GPC6: variants seen among roughly 807,000 people sequenced by gnomAD.
GPC6 encodes the protein glypican-6.
In GPC6, 14 loss-of-function variants were observed where a neutral mutation model predicts 55.2. That is an observed-to-expected ratio of 0.25 (90% CI 0.17 to 0.40). GPC6 has a LOEUF of 0.40. Ranked by LOEUF, GPC6 falls within the 10% of genes least tolerant of loss-of-function variation. GPC6 has a pLI of 1.00. For synonymous variants in GPC6, 278 were observed against 259.6 expected, an observed-to-expected ratio of 1.07 and a Z score of -0.68; for missense variants, 641 against 708.5, an observed-to-expected ratio of 0.90 and a Z score of 1.08.
intron 4 of GPC6, among the ~76,000 whole-genome samples, chr13:94,079,096 A>G (rs1004727256): frequency 7.2e-5 from 11 of 152,116 alleles, no homozygotes; most frequent in African/African-American, 2.7e-4. Context: ...ACAGTATAAC[A>G]TCTATTTATG....
At chr13:94,234,043 T>G (rs1051210824) in intron 4 of GPC6, among the ~76,000 whole-genome samples, 1 of 151,852 alleles carries the variant, frequency 6.6e-6, no homozygotes, top group African/African-American at 2.4e-5. Context: ...CAGGGCGAGG[T>G]GTTTATTTGT....
intron 2 of GPC6, among the ~76,000 whole-genome samples, chr13:93,612,288 A>G (rs1016985085): frequency 6.6e-6 from 1 of 152,194 alleles, no homozygotes; most frequent in Non-Finnish European, 1.5e-5. Flanking sequence ...TCACGAGTTC[A>G]GGAAATCGAG....
intron 2 of GPC6, among the ~76,000 whole-genome samples, chr13:93,827,064 G>A (rs763448927): frequency 3.3e-5 from 5 of 152,122 alleles, no homozygotes; most frequent in East Asian, 1.9e-4. Flanking sequence ...CAACTTTGAT[G>A]TATATTTTGT....
At chr13:94,300,800 A>T (rs1594146030) in intron 5 of GPC6, among the ~76,000 whole-genome samples, 1 of 152,212 alleles carries the variant, frequency 6.6e-6, no homozygotes, top group East Asian at 1.9e-4. Flanking sequence ...GATTTGTACC[A>T]CAATAAGTTG....
intron 1 of GPC6, among the ~76,000 whole-genome samples, chr13:93,269,353 A>G (rs1877431306): frequency 6.6e-6 from 1 of 152,176 alleles, no homozygotes; most frequent in Non-Finnish European, 1.5e-5. Context: ...ATCAGTATCC[A>G]CCTGACATTT....
intron 1 of GPC6, among the ~76,000 whole-genome samples, chr13:93,430,991 C>A (rs1877336039): frequency 1.3e-5 from 2 of 152,044 alleles, no homozygotes; most frequent in East Asian, 3.9e-4. Flanking sequence ...TACCATTAGA[C>A]CTTTGTATTA....
intron 4 of GPC6, among the ~76,000 whole-genome samples, chr13:94,163,271 T>G (rs1888231485): frequency 6.6e-6 from 1 of 152,088 alleles, no homozygotes; most frequent in Non-Finnish European, 1.5e-5. Context: ...TATTATCCTG[T>G]TTTGATAATT....
At chr13:93,605,531 T>G (rs1230194968) in intron 2 of GPC6, among the ~76,000 whole-genome samples, 1 of 152,150 alleles carries the variant, frequency 6.6e-6, no homozygotes, top group African/African-American at 2.4e-5. Flanking sequence ...TAAGTATTTC[T>G]TGACTGAAAG....
At chr13:94,189,347 C>T (rs1187173705) in intron 4 of GPC6, among the ~76,000 whole-genome samples, 1 of 152,232 alleles carries the variant, frequency 6.6e-6, no homozygotes, top group Non-Finnish European at 1.5e-5. Context: ...AGCTGAGAAA[C>T]GAGGACTGTG....
At chr13:93,682,735 T>C (rs1881894403) in intron 2 of GPC6, among the ~76,000 whole-genome samples, 2 of 151,426 alleles carry the variant, frequency 1.3e-5, no homozygotes, top group Admixed American at 1.3e-4. Flanking sequence ...TCGTCTAGGC[T>C]GAGCATGGTG....
intron 3 of GPC6, among the ~76,000 whole-genome samples, chr13:93,964,344 G>A (rs1048542165): frequency 4.6e-5 from 7 of 152,062 alleles, no homozygotes; most frequent in Admixed American, 4.6e-4. Flanking sequence ...TCATGCATTA[G>A]TTTAAGTGTA....
At chr13:94,383,049 C>T (rs1432609522) in intron 7 of GPC6, among the ~76,000 whole-genome samples, 1 of 152,154 alleles carries the variant, frequency 6.6e-6, no homozygotes, top group Non-Finnish European at 1.5e-5. Flanking sequence ...TAATAGGCAA[C>T]ACACTTTGGG....
chr13:94,197,563 T>G (rs1889618120), intron 4 of GPC6, among the ~76,000 whole-genome samples: 2 of 152,162 alleles, frequency 1.3e-5, no homozygotes, highest in Admixed American at 1.3e-4. Context: ...GTGTCTCTTC[T>G]TATAACAGTG....
chr13:93,454,327 C>A (rs963244240), intron 1 of GPC6, among the ~76,000 whole-genome samples: 1 of 129,738 alleles, frequency 7.7e-6, no homozygotes, highest in African/African-American at 2.7e-5. Flanking sequence ...CATAAATGTT[C>A]TCCAAGGCCC....
intron 3 of GPC6, among the ~76,000 whole-genome samples, chr13:94,002,862 A>G (rs1881865513): frequency 6.6e-6 from 1 of 152,190 alleles, no homozygotes; most frequent in Non-Finnish European, 1.5e-5. Flanking sequence ...GAAGCCTGAA[A>G]AAGGGAAAGG....
chr13:93,374,680 G>T (rs1263657581), intron 1 of GPC6, among the ~76,000 whole-genome samples: 1 of 152,028 alleles, frequency 6.6e-6, no homozygotes. Context: ...AAAATAGGTT[G>T]AATAAAAATA....
At chr13:93,618,751 A>C (rs1566452473) in intron 2 of GPC6, among the ~76,000 whole-genome samples, 2 of 152,200 alleles carry the variant, frequency 1.3e-5, no homozygotes, top group Non-Finnish European at 2.9e-5. Flanking sequence ...ACTGGAAAAC[A>C]TCAGCATATG....
chr13:94,264,018 C>G (rs149664458), intron 4 of GPC6, among the ~76,000 whole-genome samples: 2 of 152,072 alleles, frequency 1.3e-5, no homozygotes, highest in Non-Finnish European at 2.9e-5. Flanking sequence ...GGCAACCTAC[C>G]ATCATCCTAG....
chr13:93,426,474 A>T (rs1201422404), intron 1 of GPC6, among the ~76,000 whole-genome samples: 5 of 47,284 alleles, frequency 1.1e-4, no homozygotes, highest in African/African-American at 2.4e-4. Context: ...CCTATGAGTG[A>T]GAATATGCAG....
Sources: allele counts gnomAD v4.1 joint callset (sites outside exome capture counted in the v4.1 genomes callset), GRCh38; gene constraint gnomAD v4.1.1; transcripts MANE v1.5; gene names NCBI Gene and HGNC (gene_info 2026-07-23, HGNC 2026-07-21).